Variants in SERINC4 observed in about 807,000 individuals in gnomAD.
SERINC4 encodes the protein serine incorporator 4.
SERINC4 carries 52 observed loss-of-function variants against 52.0 expected under a neutral mutation model. The ratio of observed to expected loss-of-function variants is 1.00; its 90% CI spans 0.80 to 1.26. SERINC4 has a LOEUF of 1.26. Ranked by LOEUF, SERINC4 falls within the 50% of genes most tolerant of loss-of-function variation. The pLI, the probability that SERINC4 is intolerant of heterozygous loss-of-function variation, is 0.00. For missense variants in SERINC4, 723 were observed against 632.8 expected, an observed-to-expected ratio of 1.14 and a Z score of -1.53; for synonymous variants, 264 against 247.7, an observed-to-expected ratio of 1.07 and a Z score of -0.62.
At position 43,796,724 on chromosome 15, in the gene SERINC4, T is replaced by G. The variant is rs747574574; in HGVS notation, c.959A>C (p.Asn320Thr). 5 of 1,614,056 alleles carry G rather than the reference T, an allele frequency of 3.1e-6. No homozygotes were observed. The East Asian group carries it at 1.1e-4, about 36-fold the overall frequency. Reference protein sequence around the residue: ...PPERVILQGQNHTLCLPGLSK... With the variant: ...PPERVILQGQTHTLCLPGLSK... ...CAGGCCAGGCAGGCACAGGGTGTGATTCTGTCCTTGAAGGATTACTGGGAA... is the reference window on the plus strand; with the variant it reads ...CAGGCCAGGCAGGCACAGGGTGTGAGTCTGTCCTTGAAGGATTACTGGGAA... Residue 320 changes from asparagine to threonine, a missense_variant, in exon 8 of 12, where the codon AAT (asparagine) becomes ACT (threonine). Transcript: ENST00000319327.
chr15:43,798,323 AC>A (rs2087252351), intron 4 of SERINC4, 101 bp downstream of exon 4: 1 of 900,156 alleles, frequency 1.1e-6, no homozygotes, highest in Non-Finnish European at 1.9e-6. Flanking sequence ...TGCTGGGATT[AC>A]AGGCGTGAGC....
At position 43,794,658 on chromosome 15, in the gene SERINC4, C is replaced by A. The variant is rs187582859; in HGVS notation, c.*342G>T. On this transcript the variant is annotated 3_prime_UTR_variant, in exon 12 of 12. Transcript: ENST00000319327. ...TTCTCCAAGGGCAGAGCCGAGTCTT[C>A]AGTCCCTGTTGGTCTTTCCCCACCC... is the stretch of plus-strand genomic sequence containing the variant. 1.8e-4 allele frequency: 44 copies of A among 244,878 alleles called. No homozygotes were observed. In the East Asian group the frequency reaches 3.4e-3, roughly 19 times the overall value. The allele number at this position is 244,878 out of a possible 1,614,324, so 15.2% of individuals were successfully genotyped here. A position where few individuals can be genotyped will look rare whatever the true frequency, so the allele number is the denominator to read the frequency against.
chr15:43,799,704 ATC>A, intron 1 of SERINC4, 179 bp downstream of exon 1: 1 of 812,242 alleles, frequency 1.2e-6, no homozygotes, highest in Non-Finnish European at 2.1e-6. Context: ...GGCTTGAGAT[ATC>A]TGACCTTTCT....
chr15:43,800,169 AAGG>A lies in SERINC4; in HGVS notation c.-186_-184del. On this transcript the variant is annotated 5_prime_UTR_variant, in exon 1 of 12. Coordinates refer to ENST00000319327, the MANE Select transcript of SERINC4 (RefSeq NM_001258031.2). Reference sequence around the variant, plus strand: ...TTGCGGTAAATGCAAATGCCCTGTGAAGGAGCTTTGTCCTTAGGGCCTCAACAC... The same window carrying A: ...TTGCGGTAAATGCAAATGCCCTGTGAAGCTTTGTCCTTAGGGCCTCAACAC... 1.7e-6 allele frequency: 1 copy of A among 593,776 alleles called. No homozygotes were observed. 36.8% of individuals were successfully genotyped at this position (593,776 alleles called of 1,614,324 possible).
chr15:43,796,094 G>A, intron 9 of SERINC4, 61 bp downstream of exon 9: 1 of 1,190,300 alleles, frequency 8.4e-7, no homozygotes, highest in African/African-American at 1.5e-5. Flanking sequence ...TTGGTAGGAT[G>A]TGTGTGTGTC....
chr15:43,796,893 T>TA lies in SERINC4; in HGVS notation c.891dup (p.Ile298TyrfsTer33). The TA allele has an allele frequency of 1.2e-6, 2 of 1,614,076 alleles. No homozygotes were observed. The highest frequency in any genetic ancestry group is 1.1e-5 in the South Asian group (1 of 91,080). ...AGTGCAGAGAAAGTCAGATACATGA[T>TA]ATAGCAGCTGATGACAGAAGCTTGT... On this transcript the variant is annotated frameshift_variant, in exon 7 of 12. Coordinates refer to ENST00000319327, the MANE Select transcript of SERINC4 (RefSeq NM_001258031.2). LOFTEE classifies it high-confidence loss of function.
rs2087210808 is a variant in SERINC4, at chr15:43,796,146, T to G, written c.1140+9A>C. The G allele has an allele frequency of 6.2e-7, 1 of 1,606,882 alleles. No homozygotes were observed. The highest frequency in any genetic ancestry group is 1.7e-5 in the Admixed American group (1 of 59,984). The stretch of plus-strand genomic sequence containing the variant: ...AGGGTGTTGGGGATATGGAGCTCTT[T>G]ATCCTCACCTGAAACTCATAGCTGT... On this transcript the variant is annotated intron_variant, in intron 9 of 11. Transcript: ENST00000319327.
rs376787676 is a variant in SERINC4 at position 43,795,078 on chromosome 15, G to A, written c.1479C>T (p.Thr493=). 9.3e-6 allele frequency: 15 copies of A among 1,613,558 alleles called. No homozygotes were observed. In the African/African-American group the frequency reaches 1.3e-4, roughly 14 times the overall value. ...LLLAPLCWPP[T]QKPQPLILRR... is the part of the protein sequence containing the mutation. ...TCAAGATAAGGGGCTGGGGTTTCTG[G>A]GTGGGGGGCCAACAGAGTGGTGCCA... The change falls in exon 12 of 12, where the codon ACC becomes ACT. Residue 493 remains threonine (T), a synonymous_variant. Coordinates refer to ENST00000319327, the MANE Select transcript of SERINC4 (RefSeq NM_001258031.2).
chr15:43,798,051 T>TA, intron 4 of SERINC4, 38 bp from the exon 5 acceptor site: 1 of 1,488,580 alleles, frequency 6.7e-7, no homozygotes. Flanking sequence ...GTCAAATTGT[T>TA]ACTTTTTTTT....
chr15:43,798,628 G>C, intron 3 of SERINC4, 124 bp from the exon 4 acceptor site: 1 of 732,608 alleles, frequency 1.4e-6, no homozygotes, highest in Non-Finnish European at 2.4e-6. Flanking sequence ...AGACAACTAA[G>C]GAGGAACCAA....
chr15:43,796,650 C>T lies in SERINC4; in HGVS notation c.1033G>A (p.Ala345Thr), dbSNP rs142567982. 6.8e-5 allele frequency: 110 copies of T among 1,614,150 alleles called. No individual in the cohort carries two copies. The African/African-American group carries it at 1.4e-3, about 20-fold the overall frequency. The change falls in exon 8 of 12, where the codon GCT becomes ACT. Residue 345 changes from alanine to threonine, a missense_variant. Ala to Thr is a moderately conservative substitution (Grantham distance 58). Coordinates refer to ENST00000319327, the MANE Select transcript of SERINC4 (RefSeq NM_001258031.2). ...AGCACACAAGCATACATGATGCTAG[C>T]ACTCAGCATTGCTAGAGAGATATCT... ...TPDISLAMLS[A>T]SIMYACVLFA...
In SERINC4 at chr15:43,794,833, G is replaced by A; in HGVS notation, c.*167C>T. 2 of 610,664 alleles carry A rather than the reference G, an allele frequency of 3.3e-6. No individual in the cohort carries two copies. Among genetic ancestry groups the A allele is most frequent in the Non-Finnish European group, 5.8e-6 (2 of 346,846 alleles). 37.8% of individuals were successfully genotyped at this position (610,664 alleles called of 1,614,324 possible). Reference sequence around the variant, plus strand: ...TCCAGTGAGTCAGACACTCTGCCCAGCACATTAGACTGTGTTTGACCACTT... The same window carrying A: ...TCCAGTGAGTCAGACACTCTGCCCAACACATTAGACTGTGTTTGACCACTT... On this transcript the variant is annotated 3_prime_UTR_variant, in exon 12 of 12. Coordinates refer to ENST00000319327, the MANE Select transcript of SERINC4 (RefSeq NM_001258031.2).
In SERINC4 at chr15:43,799,004, A is replaced by G; in HGVS notation, c.413T>C (p.Val138Ala). Residue 138 changes from valine to alanine, a missense_variant, in exon 3 of 12, where the codon GTC becomes GCC. Transcript: ENST00000319327. Reference sequence around the variant, plus strand: ...CGGGCTGGTGGGGGAGTGGAGGTGGACCAGCAACACAGCCTGCAGCAGGTG... The same window carrying G: ...CGGGCTGGTGGGGGAGTGGAGGTGGGCCAGCAACACAGCCTGCAGCAGGTG... Reference protein sequence around the residue: ...TFHLLQAVLLVHLHSPTSPRA... With the variant: ...TFHLLQAVLLAHLHSPTSPRA... The G allele has an allele frequency of 1.3e-6, 2 of 1,550,488 alleles. No homozygotes were observed. Among genetic ancestry groups the G allele is most frequent in the South Asian group, 1.2e-5 (1 of 84,054 alleles).
chr15:43,796,372 C>T, intron 8 of SERINC4, 145 bp from the exon 9 acceptor site: 1 of 739,078 alleles, frequency 1.4e-6, no homozygotes, highest in Non-Finnish European at 2.3e-6. Context: ...GAATTCTATT[C>T]ATGTGAGAGC....
intron 8 of SERINC4, 106 bp downstream of exon 8, chr15:43,796,510 A>T: frequency 2.4e-6 from 3 of 1,255,398 alleles, no homozygotes; most frequent in Non-Finnish European, 3.4e-6. Flanking sequence ...TTCTCACTCT[A>T]GTCTTGCTCT....
intron 1 of SERINC4, 169 bp downstream of exon 1, chr15:43,799,716 T>C: frequency 1.2e-6 from 1 of 822,016 alleles, no homozygotes; most frequent in Non-Finnish European, 2.1e-6. Context: ...CTGACCTTTC[T>C]CTCGACCTAA....
rs1054497465 is a variant in SERINC4 at position 43,796,698 on chromosome 15, T to C, written c.985A>G (p.Ser329Gly). The part of the protein sequence containing the change: ...QNHTLCLPGL[S>G]KMEPQTPDIS... ...TCTGGTGTTTGGGGTTCCATTTTAC[T>C]CAGGCCAGGCAGGCACAGGGTGTGA... Residue 329 changes from serine (S) to glycine (G), a missense_variant, in exon 8 of 12, where the codon AGT (serine) becomes GGT (glycine). By Grantham distance (56) the Ser-to-Gly change is moderately conservative. Coordinates refer to ENST00000319327, the MANE Select transcript of SERINC4 (RefSeq NM_001258031.2). 1 of 1,614,162 alleles carries C rather than the reference T, an allele frequency of 6.2e-7. No homozygotes were observed. Among genetic ancestry groups the C allele is most frequent in the Non-Finnish European group, 8.5e-7 (1 of 1,180,020 alleles).
chr15:43,795,893 T>G, intron 9 of SERINC4, 157 bp from the exon 10 acceptor site: 2 of 721,186 alleles, frequency 2.8e-6, no homozygotes, highest in South Asian at 3.8e-5. Context: ...GTGCAGACTT[T>G]GGTAAGATGT....
rs142556047 is a variant in SERINC4, at chr15:43,795,094, A to G, written c.1463T>C (p.Leu488Pro). Residue 488 changes from leucine (L) to proline (P), a missense_variant, in exon 12 of 12, where the codon CTC becomes CCC. Coordinates refer to ENST00000319327, the MANE Select transcript of SERINC4 (RefSeq NM_001258031.2). Reference protein sequence around the residue: ...LLYLGLLLAPLCWPPTQKPQP... With the variant: ...LLYLGLLLAPPCWPPTQKPQP... ...GGGTTTCTGGGTGGGGGGCCAACAG[A>G]GTGGTGCCAGTAACAGCCCCAGATA... 2 of 1,613,876 alleles carry G rather than the reference A, an allele frequency of 1.2e-6. No homozygotes were observed. Among genetic ancestry groups the G allele is most frequent in the South Asian group, 1.1e-5 (1 of 91,072 alleles).
Sources: gnomAD v4.1 joint callset for allele counts on GRCh38, gnomAD v4.1.1 for gene constraint, MANE v1.5 for transcripts, NCBI Gene and HGNC (gene_info 2026-07-23, HGNC 2026-07-21) for gene names.